TMEM167A: variants seen among roughly 807,000 people sequenced by gnomAD.
The protein encoded by TMEM167A is transmembrane protein 167A, also known as protein kish-A.
TMEM167A carries 8 observed loss-of-function variants against 11.6 expected under a neutral mutation model. The observed-to-expected ratio is 0.69, with a 90% CI of 0.40 to 1.24. TMEM167A has a LOEUF of 1.24. Ranked by LOEUF, TMEM167A falls within the 50% of genes most tolerant of loss-of-function variation. The pLI is 0.01. For synonymous variants in TMEM167A, 22 were observed against 28.0 expected (o/e 0.79, Z 0.67); for missense variants, 62 against 87.0 (o/e 0.71, Z 1.14).
rs1317177960 is a variant in TMEM167A at position 83,055,822 on chromosome 5, A to G, written c.*1262T>C. On this transcript the variant is annotated 3_prime_UTR_variant, in exon 4 of 4. Coordinates refer to ENST00000502346, the MANE Select transcript of TMEM167A (RefSeq NM_174909.5). ...GAAATAATTTTTTTTGTTTAAAAAA[A>G]GGGAGAGTTTCTTCATTTTATCTTT... 6.6e-6 allele frequency: 1 copy of G among 151,670 alleles called. No individual in the cohort carries two copies. Among genetic ancestry groups the G allele is most frequent in the Non-Finnish European group, 1.5e-5 (1 of 67,906 alleles). 9.4% of individuals were successfully genotyped at this position (151,670 alleles called of 1,614,324 possible). A position where few individuals can be genotyped will look rare whatever the true frequency, so the allele number is the denominator to read the frequency against.
intron 1 of TMEM167A, among the ~76,000 whole-genome samples, chr5:83,068,655 A>G (rs1170365069): frequency 6.6e-6 from 1 of 152,150 alleles, no homozygotes; most frequent in South Asian, 2.1e-4. Context: ...AAAATGTGGG[A>G]AAAAAACCCT....
intron 1 of TMEM167A, 109 bp downstream of exon 1, chr5:83,077,212 C>T: frequency 6.5e-7 from 1 of 1,545,536 alleles, no homozygotes; most frequent in Non-Finnish European, 8.9e-7. Context: ...TCCAAGGCCT[C>T]TCAGCTCCGG....
At chr5:83,058,756 T>C (rs1373224572) in intron 3 of TMEM167A, among the ~76,000 whole-genome samples, 1 of 152,100 alleles carries the variant, frequency 6.6e-6, no homozygotes, top group Non-Finnish European at 1.5e-5. Context: ...ATCATTTACA[T>C]GTGGATTTAA....
chr5:83,077,274 A>G (rs199719006), intron 1 of TMEM167A, 47 bp downstream of exon 1: 1 of 1,614,118 alleles, frequency 6.2e-7, no homozygotes, highest in Non-Finnish European at 8.5e-7. Flanking sequence ...CTAGATCCAC[A>G]ACCCCTTCTC....
At chr5:83,064,762 T>C (rs1466870150) in intron 2 of TMEM167A, among the ~76,000 whole-genome samples, 1 of 152,092 alleles carries the variant, frequency 6.6e-6, no homozygotes, top group East Asian at 1.9e-4. Context: ...TCACCTTCAG[T>C]AGGTTAAATC....
intron 1 of TMEM167A, among the ~76,000 whole-genome samples, chr5:83,068,666 A>G (rs1744518328): frequency 6.6e-6 from 1 of 152,190 alleles, no homozygotes; most frequent in Non-Finnish European, 1.5e-5. Context: ...AAAAAACCCT[A>G]CAGAAAAAGT....
At position 83,077,362 on chromosome 5, in the gene TMEM167A, G is replaced by C. The variant is rs762906665; in HGVS notation, c.-39C>G. The C allele has an allele frequency of 3.7e-6, 6 of 1,614,112 alleles. No individual in the cohort carries two copies. In the South Asian group the frequency reaches 4.4e-5, roughly 12 times the overall value. On this transcript the variant is annotated 5_prime_UTR_variant, in exon 1 of 4. Coordinates refer to ENST00000502346, the MANE Select transcript of TMEM167A (RefSeq NM_174909.5). The stretch of plus-strand genomic sequence containing the variant: ...ATGCCGCAGCCACATCACCCTTCCG[G>C]GGCTCAGGCGGAAGAGGCTGCATGT...
chr5:83,063,070 T>C (rs1744430023), intron 2 of TMEM167A, among the ~76,000 whole-genome samples: 1 of 152,046 alleles, frequency 6.6e-6, no homozygotes, highest in African/African-American at 2.4e-5. Context: ...TTAAATGGAA[T>C]TAAGCAAAAA....
rs772246396 is a variant in TMEM167A, at chr5:83,077,349, C to T, written c.-26G>A. On this transcript the variant is annotated 5_prime_UTR_variant, in exon 1 of 4. The change creates a new upstream start codon in the 5' untranslated region. Coordinates refer to ENST00000502346, the MANE Select transcript of TMEM167A (RefSeq NM_174909.5). The stretch of plus-strand genomic sequence containing the variant: ...AGCGAGGCCGGCGATGCCGCAGCCA[C>T]ATCACCCTTCCGGGGCTCAGGCGGA... The T allele has an allele frequency of 1.9e-6, 3 of 1,614,198 alleles. No homozygotes were observed. The East Asian group carries it at 6.7e-5, about 36-fold the overall frequency.
At chr5:83,070,303 T>C (rs1580177511) in intron 1 of TMEM167A, among the ~76,000 whole-genome samples, 2 of 152,200 alleles carry the variant, frequency 1.3e-5, no homozygotes, top group African/African-American at 4.8e-5. Context: ...CTGAGAGCTA[T>C]GTCATTCTTC....
intron 2 of TMEM167A, among the ~76,000 whole-genome samples, chr5:83,064,038 G>C (rs1224187148): frequency 6.6e-6 from 1 of 151,920 alleles, no homozygotes; most frequent in Non-Finnish European, 1.5e-5. Flanking sequence ...AAGAGACTAG[G>C]CCTATAAAAT....
At chr5:83,059,129 C>T (rs769853057) in intron 3 of TMEM167A, among the ~76,000 whole-genome samples, 38 of 145,490 alleles carry the variant, frequency 2.6e-4, no homozygotes, top group Non-Finnish European at 5.1e-4. Context: ...AGCATTCATA[C>T]AGTCAAGAGA....
intron 3 of TMEM167A, 69 bp from the exon 4 acceptor site, chr5:83,057,223 TACC>T: frequency 7.1e-7 from 1 of 1,402,520 alleles, no homozygotes; most frequent in Admixed American, 1.7e-5. Flanking sequence ...AAGGTTATAC[TACC>T]ATAAGAATCA....
intron 1 of TMEM167A, among the ~76,000 whole-genome samples, chr5:83,072,114 G>C (rs540361316): frequency 2.6e-5 from 4 of 152,294 alleles, no homozygotes; most frequent in African/African-American, 9.6e-5. Flanking sequence ...TGATTTTGTA[G>C]TTATTTTCAT....
chr5:83,054,494 C>T lies in TMEM167A; in HGVS notation c.*2590G>A, dbSNP rs1744300868. On this transcript the variant is annotated 3_prime_UTR_variant, in exon 4 of 4. Transcript: ENST00000502346. ...TTAGCAAGCTGAGGACTTCAGTGTC[C>T]ATCATCCGATCCTGCCCTGTAACAA... is the stretch of plus-strand genomic sequence containing the variant. The T allele has an allele frequency of 1.3e-5, 2 of 152,002 alleles. No homozygotes were observed. Among genetic ancestry groups the T allele is most frequent in the Admixed American group, 6.6e-5 (1 of 15,236 alleles). 9.4% of individuals were successfully genotyped at this position (152,002 alleles called of 1,614,324 possible).
chr5:83,064,406 C>A, intron 2 of TMEM167A: 1 of 492,942 alleles, frequency 2.0e-6, no homozygotes, highest in Non-Finnish European at 4.0e-6. Flanking sequence ...TGTAATTATT[C>A]TTTAATGAGA....
chr5:83,061,889 A>T lies in TMEM167A; in HGVS notation c.136T>A (p.Cys46Ser). ...TATAGACACTTACCAATTCTGGCAC[A>T]CTTCCAAAATATACCCAACAATCTG... is the stretch of plus-strand genomic sequence containing the variant. ...KTGLLGIFWK[C>S]ARIGERKSPY... The change falls in exon 3 of 4, where the codon TGT becomes AGT. Residue 46 changes from cysteine to serine, a missense_variant. Physicochemically the swap from Cys to Ser is moderately radical, Grantham distance 112 (BLOSUM62 -1). Coordinates refer to ENST00000502346, the MANE Select transcript of TMEM167A (RefSeq NM_174909.5). The T allele has an allele frequency of 6.2e-7, 1 of 1,613,364 alleles. No individual in the cohort carries two copies. Among genetic ancestry groups the T allele is most frequent in the African/African-American group, 1.3e-5 (1 of 75,042 alleles).
chr5:83,066,864 A>G (rs1050284549), intron 1 of TMEM167A, among the ~76,000 whole-genome samples: 12 of 152,066 alleles, frequency 7.9e-5, no homozygotes, highest in Non-Finnish European at 2.9e-5. Context: ...CTTTCCGGAG[A>G]GAGCACGTTG....
At chr5:83,066,019 T>A (rs1580175871) in intron 1 of TMEM167A, among the ~76,000 whole-genome samples, 1 of 152,198 alleles carries the variant, frequency 6.6e-6, no homozygotes, top group African/African-American at 2.4e-5. Context: ...TTACCTTTAT[T>A]ATAATATTCA....
Sources: allele counts gnomAD v4.1 joint callset (sites outside exome capture counted in the v4.1 genomes callset), GRCh38; gene constraint gnomAD v4.1.1; transcripts MANE v1.5; gene names NCBI Gene and HGNC (gene_info 2026-07-23, HGNC 2026-07-21).